PHRF1: variants seen among roughly 807,000 people sequenced by gnomAD.
PHRF1 encodes the protein PHD and RING finger domain-containing protein 1.
A neutral mutation model predicts 128.9 loss-of-function variants in PHRF1; 53 were observed. The observed-to-expected ratio is 0.41, with a 90% CI of 0.33 to 0.52. The LOEUF is 0.52. Ranked by LOEUF, PHRF1 falls within the 20% of genes least tolerant of loss-of-function variation. The pLI is 0.21. For missense variants in PHRF1, 2,503 were observed against 2,284.5 expected, an observed-to-expected ratio of 1.10 and a Z score of -1.95; for synonymous variants, 1,178 against 980.6, an observed-to-expected ratio of 1.20 and a Z score of -3.76.
chr11:592,887 C>T lies in PHRF1; in HGVS notation c.620+213C>T, dbSNP rs531679220. Among the ~76,000 whole-genome samples, 115 of 152,356 alleles carry T rather than the reference C, an allele frequency of 7.5e-4. 1 individual carries two copies. Among genetic ancestry groups the T allele is most frequent in the Admixed American group, 6.1e-3 (93 of 15,310 alleles). On this transcript the variant is annotated intron_variant, in intron 6 of 17. Coordinates refer to ENST00000264555, the MANE Select transcript of PHRF1 (RefSeq NM_001286581.2). The stretch of plus-strand genomic sequence containing the variant: ...CCCCAAAAAACATTCTGAGGCTGCC[C>T]ACAGAAGTGCAGGTAATACATCAAG...
At position 608,657 on chromosome 11, in the gene PHRF1, G is replaced by A. The variant is rs748791377; in HGVS notation, c.3201G>A (p.Arg1067=). The change falls in exon 14 of 18, where the codon AGG becomes AGA. Residue 1067 remains arginine, a synonymous_variant. Coordinates refer to ENST00000264555, the MANE Select transcript of PHRF1 (RefSeq NM_001286581.2). ...DRSSSRERAK[R]KKAKDKSREH... is the part of the protein sequence containing the mutation. ...CCAGCAGCCGAGAGCGAGCTAAGAG[G>A]AAGAAAGCCAAGGACAAGAGCAGGG... 4.3e-6 allele frequency: 7 copies of A among 1,612,338 alleles called. No homozygotes were observed. Among genetic ancestry groups the A allele is most frequent in the Non-Finnish European group, 5.9e-6 (7 of 1,179,792 alleles).
intron 10 of PHRF1, among the ~76,000 whole-genome samples, chr11:604,067 C>T (rs892012702): frequency 6.6e-6 from 1 of 152,162 alleles, no homozygotes; most frequent in African/African-American, 2.4e-5. Flanking sequence ...AGACAAAATT[C>T]CTGGAGTAGA....
In PHRF1 at chr11:608,184, G is replaced by T. The variant is rs60477898; in HGVS notation, c.2728G>T (p.Ala910Ser). The change falls in exon 14 of 18, where the codon GCT becomes TCT. Residue 910 changes from alanine (A) to serine (S), a missense_variant. Physicochemically the swap from Ala to Ser is moderately conservative, Grantham distance 99. Transcript: ENST00000264555. Reference protein sequence around the residue: ...SAMSKLRGAVAAEGASDTERE... With the variant: ...SAMSKLRGAVSAEGASDTERE... ...CATGTCCAAGCTCCGGGGTGCAGTGGCTGCCGAGGGGGCCTCTGACACGGA... is the reference window on the plus strand; with the variant it reads ...CATGTCCAAGCTCCGGGGTGCAGTGTCTGCCGAGGGGGCCTCTGACACGGA... 2.9e-3 allele frequency: 4,747 copies of T among 1,609,962 alleles called. 138 individuals carry two copies. In the African/African-American group the frequency reaches 0.055, roughly 19 times the overall value.
At chr11:581,363 T>C in intron 1 of PHRF1, 129 bp from the exon 2 acceptor site, 1 of 710,922 alleles carries the variant, frequency 1.4e-6, no homozygotes, top group Middle Eastern at 2.4e-4. Flanking sequence ...ATCTCAGGGC[T>C]CACTCTTCAC....
At chr11:580,156 C>T (rs933453359) in intron 1 of PHRF1, among the ~76,000 whole-genome samples, 7 of 152,212 alleles carry the variant, frequency 4.6e-5, no homozygotes, top group African/African-American at 1.4e-4. Flanking sequence ...TTCACTGCCT[C>T]GCTGGATTCC....
intron 6 of PHRF1, among the ~76,000 whole-genome samples, chr11:595,041 G>A (rs1855201563): frequency 6.6e-6 from 1 of 152,148 alleles, no homozygotes; most frequent in African/African-American, 2.4e-5. Context: ...AAAATCACAC[G>A]TCTAAAATTA....
At chr11:578,886 C>T (rs925965431) in intron 1 of PHRF1, among the ~76,000 whole-genome samples, 1 of 152,028 alleles carries the variant, frequency 6.6e-6, no homozygotes, top group Non-Finnish European at 1.5e-5. Flanking sequence ...GAGTCTCACT[C>T]TGTCGCCCAG....
chr11:609,130 A>C lies in PHRF1; in HGVS notation c.3674A>C (p.Glu1225Ala). 6.2e-7 allele frequency: 1 copy of C among 1,606,218 alleles called. No individual in the cohort carries two copies. Among genetic ancestry groups the C allele is most frequent in the Non-Finnish European group, 8.5e-7 (1 of 1,178,306 alleles). The change falls in exon 14 of 18, where the codon GAA (glutamate) becomes GCA (alanine). Residue 1225 changes from glutamate (E) to alanine (A), a missense_variant. Physicochemically the swap from Glu to Ala is moderately radical, Grantham distance 107 (BLOSUM62 -1). Coordinates refer to ENST00000264555, the MANE Select transcript of PHRF1 (RefSeq NM_001286581.2). Reference protein sequence around the residue: ...DLPTRLPALGEAHVSPEVATA... With the variant: ...DLPTRLPALGAAHVSPEVATA... ...CCCACCAGGTTGCCAGCCTTGGGGGAAGCACATGTCTCGCCGGAGGTGGCT... is the reference window on the plus strand; with the variant it reads ...CCCACCAGGTTGCCAGCCTTGGGGGCAGCACATGTCTCGCCGGAGGTGGCT...
intron 17 of PHRF1, 46 bp from the exon 18 acceptor site, chr11:611,588 C>T (rs1856408411): frequency 1.2e-6 from 2 of 1,611,274 alleles, no homozygotes; most frequent in Admixed American, 3.3e-5. Flanking sequence ...TGGCCCGGAA[C>T]ATCTGGATGT....
At chr11:605,998 C>T (rs1227783726) in intron 12 of PHRF1, among the ~76,000 whole-genome samples, 1 of 152,202 alleles carries the variant, frequency 6.6e-6, no homozygotes, top group Admixed American at 6.5e-5. Context: ...CTGAGAGCCA[C>T]CAGCACAGGG....
At position 597,612 on chromosome 11, in the gene PHRF1, G is replaced by C; in HGVS notation, c.894+42G>C. 6.4e-7 allele frequency: 1 copy of C among 1,569,886 alleles called. No individual in the cohort carries two copies. The highest frequency in any genetic ancestry group is 8.6e-7 in the Non-Finnish European group (1 of 1,157,750). On this transcript the variant is annotated intron_variant, in intron 8 of 17. Coordinates refer to ENST00000264555, the MANE Select transcript of PHRF1 (RefSeq NM_001286581.2). This position sits in a 1 kb window ranked among gnomAD's most constrained non-coding sequence, Gnocchi z 6.5. The stretch of plus-strand genomic sequence containing the variant: ...TGACGCCAGTCGTAGAACCCCAGCT[G>C]CCCAGAGTGATCTCGGCAGTCTGGG...
At position 611,548 on chromosome 11, in the gene PHRF1, G is replaced by A. The variant is rs1856403953; in HGVS notation, c.4807-86G>A. The A allele has an allele frequency of 5.1e-6, 8 of 1,582,850 alleles. No homozygotes were observed. The Middle Eastern group carries it at 1.3e-3, about 266-fold the overall frequency. Reference sequence around the variant, plus strand: ...TAGGGCCTGCTCCTGAGCAGGGCAGGCGAGGGAGCCCAGCTTTGGCCCTGG... The same window carrying A: ...TAGGGCCTGCTCCTGAGCAGGGCAGACGAGGGAGCCCAGCTTTGGCCCTGG... On this transcript the variant is annotated intron_variant, in intron 17 of 17. Transcript: ENST00000264555.
chr11:608,559 C>G lies in PHRF1; in HGVS notation c.3103C>G (p.Pro1035Ala). 6.2e-7 allele frequency: 1 copy of G among 1,612,316 alleles called. No individual in the cohort carries two copies. Among genetic ancestry groups the G allele is most frequent in the Non-Finnish European group, 8.5e-7 (1 of 1,179,810 alleles). Residue 1035 changes from proline (P) to alanine (A), a missense_variant, in exon 14 of 18, where the codon CCA (proline) becomes GCA (alanine). Physicochemically the swap from Pro to Ala is conservative, Grantham distance 27 (BLOSUM62 -1). Transcript: ENST00000264555. ...GGACAGGAGCTCGAGGTCAGCGTCA[C>G]CATCAGTGGGTGAGGAGCGCCCCAG... Reference protein sequence around the residue: ...SRDRSSRSASPSVGEERPRRQ... With the variant: ...SRDRSSRSASASVGEERPRRQ...
In PHRF1 at chr11:605,257, C is replaced by T. The variant is rs1305852794; in HGVS notation, c.1291C>T (p.Leu431=). 5 of 1,613,594 alleles carry T rather than the reference C, an allele frequency of 3.1e-6. No individual in the cohort carries two copies. Among genetic ancestry groups the T allele is most frequent in the Non-Finnish European group, 4.2e-6 (5 of 1,179,886 alleles). Residue 431 remains leucine, a synonymous_variant, in exon 11 of 18, where the codon CTG becomes TTG. Coordinates refer to ENST00000264555, the MANE Select transcript of PHRF1 (RefSeq NM_001286581.2). ...LLRADIGAAS[L]SLFGDPYELD... The stretch of plus-strand genomic sequence containing the variant: ...GAGAGCGGATATTGGAGCTGCCTCT[C>T]TGTCTCTGTTTGGAGATCCTTATGA...
Position 607,947 on chromosome 11 carries a change from G to T in PHRF1, c.2491G>T (p.Asp831Tyr). ...GAAGCAGCTGCGGAGCGAGGTCTAC[G>T]ACCCATCCGACCCCACCGGCTCCGA... ...KTKQLRSEVYDPSDPTGSDSS... is the reference protein window; with the variant it reads ...KTKQLRSEVYYPSDPTGSDSS... The change falls in exon 14 of 18, where the codon GAC becomes TAC. Residue 831 changes from aspartate (D) to tyrosine (Y), a missense_variant. Physicochemically the swap from Asp to Tyr is radical, Grantham distance 160. Transcript: ENST00000264555. The T allele has an allele frequency of 6.2e-7, 1 of 1,612,084 alleles. No homozygotes were observed. Among genetic ancestry groups the T allele is most frequent in the Non-Finnish European group, 8.5e-7 (1 of 1,179,844 alleles).
rs773351926 is a variant in PHRF1 at position 611,038 on chromosome 11, A to T, written c.4762A>T (p.Thr1588Ser). The T allele has an allele frequency of 6.2e-7, 1 of 1,613,416 alleles. No homozygotes were observed. Among genetic ancestry groups the T allele is most frequent in the Non-Finnish European group, 8.5e-7 (1 of 1,179,784 alleles). ...IKPFYQKREV[T>S]KEEYKDILRK... ...GCCCTTCTACCAGAAGAGGGAGGTG[A>T]CCAAGGAGGAGTACAAGGACATCCT... Residue 1588 changes from threonine to serine, a missense_variant, in exon 17 of 18, where the codon ACC becomes TCC. Transcript: ENST00000264555.
At chr11:583,209 C>T (rs1478139076) in intron 3 of PHRF1, among the ~76,000 whole-genome samples, 4 of 149,478 alleles carry the variant, frequency 2.7e-5, no homozygotes, top group Admixed American at 6.7e-5. Flanking sequence ...CGTGTTGGCA[C>T]GCGCCTGTAA....
intron 6 of PHRF1, among the ~76,000 whole-genome samples, chr11:593,224 C>G (rs1045551092): frequency 4.6e-5 from 7 of 152,274 alleles, no homozygotes; most frequent in Admixed American, 3.9e-4. Context: ...CAGATGCCCC[C>G]TTCCCCGTTA....
rs771355543 is a variant in PHRF1, at chr11:607,945, A to C, written c.2489A>C (p.Tyr830Ser). ...ACGAAGCAGCTGCGGAGCGAGGTCTACGACCCATCCGACCCCACCGGCTCC... is the reference window on the plus strand; with the variant it reads ...ACGAAGCAGCTGCGGAGCGAGGTCTCCGACCCATCCGACCCCACCGGCTCC... ...KKTKQLRSEV[Y>S]DPSDPTGSDS... Residue 830 changes from tyrosine (Y) to serine (S), a missense_variant, in exon 14 of 18, where the codon TAC becomes TCC. By Grantham distance (144) the Tyr-to-Ser change is moderately radical (BLOSUM62 -2). Coordinates refer to ENST00000264555, the MANE Select transcript of PHRF1 (RefSeq NM_001286581.2). 1 of 1,612,102 alleles carries C rather than the reference A, an allele frequency of 6.2e-7. No individual in the cohort carries two copies. The highest frequency in any genetic ancestry group is 1.1e-5 in the South Asian group (1 of 91,074).
Sources: allele counts gnomAD v4.1 joint callset (sites outside exome capture counted in the v4.1 genomes callset), GRCh38; gene constraint gnomAD v4.1.1; non-coding constraint Gnocchi (gnomAD v3.1); transcripts MANE v1.5; gene names NCBI Gene and HGNC (gene_info 2026-07-23, HGNC 2026-07-21).